The following DAAM1 variants were observed in gnomAD, a reference collection of about 807,000 sequenced individuals.
The protein encoded by DAAM1 is disheveled-associated activator of morphogenesis 1.
Under a neutral mutation model 130.0 loss-of-function variants are expected in DAAM1, and 52 were observed. The observed-to-expected ratio is 0.40, with a 90% CI of 0.32 to 0.50. DAAM1 has a LOEUF of 0.50. Among genes scored for constraint, DAAM1 ranks in the 20% least tolerant of loss-of-function variants. DAAM1 has a pLI of 0.61. For missense variants in DAAM1, 1,134 were observed against 1,303.8 expected (o/e 0.87, Z 2.01); for synonymous variants, 452 against 444.5 (o/e 1.02, Z -0.21).
At chr14:59,273,643 T>TA (rs1882824098) in intron 2 of DAAM1, among the ~76,000 whole-genome samples, 1 of 152,228 alleles carries the variant, frequency 6.6e-6, no homozygotes, top group Non-Finnish European at 1.5e-5. Context: ...ACAAAGTCGT[T>TA]ATAGTATACT....
intron 1 of DAAM1, among the ~76,000 whole-genome samples, chr14:59,251,054 C>G (rs916567430): frequency 2.0e-5 from 3 of 152,190 alleles, no homozygotes; most frequent in Non-Finnish European, 4.4e-5. Context: ...GCCCCAACAC[C>G]AGAGATTCCG....
intron 23 of DAAM1, among the ~76,000 whole-genome samples, chr14:59,365,045 A>G (rs1240339387): frequency 1.3e-5 from 2 of 152,194 alleles, no homozygotes; most frequent in Non-Finnish European, 2.9e-5. Context: ...AAGGGGCTCA[A>G]ACATTTTTGT....
At chr14:59,214,071 A>C (rs1033171883) in intron 1 of DAAM1, among the ~76,000 whole-genome samples, 2 of 152,214 alleles carry the variant, frequency 1.3e-5, no homozygotes, top group Non-Finnish European at 2.9e-5. Flanking sequence ...AGGCGTTAGC[A>C]CAAAGCTAAA....
In DAAM1 at chr14:59,331,215, G is replaced by A. The variant is rs750525026; in HGVS notation, c.1567G>A (p.Val523Ile). 4.5e-5 allele frequency: 73 copies of A among 1,612,520 alleles called. No individual in the cohort carries two copies. Among genetic ancestry groups the A allele is most frequent in the Non-Finnish European group, 5.7e-5 (67 of 1,179,888 alleles). Reference protein sequence around the residue: ...AQLHELSRRAVCASIPGGPSP... With the variant: ...AQLHELSRRAICASIPGGPSP... Reference sequence around the variant, plus strand: ...CCTATTTTTATCTTTTCAGAGGGCCGTCTGTGCTTCAATCCCAGGTGGACC... The same window carrying A: ...CCTATTTTTATCTTTTCAGAGGGCCATCTGTGCTTCAATCCCAGGTGGACC... The change falls in exon 14 of 25, where the codon GTC (valine) becomes ATC (isoleucine). Residue 523 changes from valine to isoleucine, a missense_variant. By Grantham distance (29) the Val-to-Ile change is conservative. Transcript: ENST00000360909.
Position 59,197,082 on chromosome 14 carries a change from G to A in DAAM1, c.-38+8314G>A, listed in dbSNP as rs1254690500. Among the ~76,000 whole-genome samples, 3 of 152,084 alleles carry A rather than the reference G, an allele frequency of 2.0e-5. No homozygotes were observed. The East Asian group carries it at 5.8e-4, about 30-fold the overall frequency. ...ACTACAGGCGCCTGCCACCACGCCTGGCTAGTTTTTTGTATTTTTAGTAGA... is the reference window on the plus strand; with the variant it reads ...ACTACAGGCGCCTGCCACCACGCCTAGCTAGTTTTTTGTATTTTTAGTAGA... On this transcript the variant is annotated intron_variant, in intron 1 of 24. Coordinates refer to ENST00000360909, the MANE Select transcript of DAAM1 (RefSeq NM_001270520.2).
intron 1 of DAAM1, among the ~76,000 whole-genome samples, chr14:59,189,135 C>T (rs1887646202): frequency 6.6e-6 from 1 of 152,102 alleles, no homozygotes; most frequent in Non-Finnish European, 1.5e-5. Flanking sequence ...GCTGAAGGCT[C>T]CCCGGGGCTG....
At chr14:59,367,786 TA>T (rs951853324) in intron 24 of DAAM1, among the ~76,000 whole-genome samples, 187 bp downstream of exon 24, 10 of 149,688 alleles carry the variant, frequency 6.7e-5, no homozygotes, top group South Asian at 4.2e-4. Flanking sequence ...TTCAAAGCCT[TA>T]AAAAAAAAAT....
chr14:59,298,487 G>A (rs1050998335), intron 3 of DAAM1, among the ~76,000 whole-genome samples: 3 of 152,098 alleles, frequency 2.0e-5, no homozygotes, highest in African/African-American at 7.2e-5. Flanking sequence ...AGATGCCCTC[G>A]GTTTTCTGCC....
intron 1 of DAAM1, among the ~76,000 whole-genome samples, chr14:59,210,091 A>G (rs1198631615): frequency 6.6e-6 from 1 of 152,190 alleles, no homozygotes; most frequent in Non-Finnish European, 1.5e-5. Flanking sequence ...GCAGTGAGCT[A>G]TGATACAGCC....
chr14:59,322,288 G>A (rs1885040532), intron 5 of DAAM1, among the ~76,000 whole-genome samples: 3 of 152,038 alleles, frequency 2.0e-5, no homozygotes, highest in Admixed American at 2.0e-4. Flanking sequence ...GAGACAGGAG[G>A]TTTGCTTGAG....
chr14:59,267,450 G>A (rs1594788974), intron 2 of DAAM1, among the ~76,000 whole-genome samples: 1 of 151,750 alleles, frequency 6.6e-6, no homozygotes, highest in African/African-American at 2.4e-5. Flanking sequence ...TCCTACCTCA[G>A]GATTTAGCAT....
intron 21 of DAAM1, among the ~76,000 whole-genome samples, chr14:59,359,826 G>A (rs1179402975): frequency 6.6e-6 from 1 of 152,178 alleles, no homozygotes; most frequent in African/African-American, 2.4e-5. Context: ...TCAGAACATT[G>A]CAATAATTTT....
chr14:59,311,000 A>G (rs908559816), intron 3 of DAAM1, among the ~76,000 whole-genome samples: 1 of 152,148 alleles, frequency 6.6e-6, no homozygotes, highest in African/African-American at 2.4e-5. Context: ...ACTCTGACAT[A>G]CTTATGTATT....
rs1286834491 is a variant in DAAM1, at chr14:59,323,282, G to A, written c.774+57G>A. 1.2e-5 allele frequency: 18 copies of A among 1,472,460 alleles called. No individual in the cohort carries two copies. In the East Asian group the frequency reaches 1.2e-4, roughly 10 times the overall value. The allele number at this position is 1,472,460 out of a possible 1,614,324, so 91.2% of individuals were successfully genotyped here. On this transcript the variant is annotated intron_variant, in intron 6 of 24. Coordinates refer to ENST00000360909, the MANE Select transcript of DAAM1 (RefSeq NM_001270520.2). ...CCTTCTTTAAAGTCTGCTCAAACAC[G>A]TGCTTTTCCTGTCCCTGAAAGGGGA...
chr14:59,339,101 T>G (rs1245344828), intron 15 of DAAM1, among the ~76,000 whole-genome samples: 1 of 152,200 alleles, frequency 6.6e-6, no homozygotes, highest in Non-Finnish European at 1.5e-5. Flanking sequence ...TTTTTAGAAC[T>G]TAAACAGACT....
chr14:59,300,229 A>T (rs1884114616), intron 3 of DAAM1, among the ~76,000 whole-genome samples: 1 of 152,220 alleles, frequency 6.6e-6, no homozygotes, highest in African/African-American at 2.4e-5. Context: ...ACAAATAAGT[A>T]AGTTATTAGG....
chr14:59,229,211 T>C (rs1219868206), intron 1 of DAAM1, among the ~76,000 whole-genome samples: 1 of 152,216 alleles, frequency 6.6e-6, no homozygotes, highest in Non-Finnish European at 1.5e-5. Flanking sequence ...CACTTTTCAT[T>C]GAGCGAATGA....
chr14:59,368,709 A>G lies in DAAM1; in HGVS notation c.3057A>G (p.Glu1019=), dbSNP rs770160282. The G allele has an allele frequency of 6.2e-7, 1 of 1,613,962 alleles. No individual in the cohort carries two copies. Among genetic ancestry groups the G allele is most frequent in the Non-Finnish European group, 8.5e-7 (1 of 1,179,876 alleles). Residue 1019 remains glutamate, a synonymous_variant, in exon 25 of 25, where the codon GAA becomes GAG. Coordinates refer to ENST00000360909, the MANE Select transcript of DAAM1 (RefSeq NM_001270520.2). ...KMRKAKENSE[E]SGEFDDLVSA... ...GAAAAGCTAAAGAGAATAGTGAAGAAAGCGGAGAGTTTGATGACCTTGTTT... is the reference window on the plus strand; with the variant it reads ...GAAAAGCTAAAGAGAATAGTGAAGAGAGCGGAGAGTTTGATGACCTTGTTT...
chr14:59,322,656 T>C (rs1885058106), intron 5 of DAAM1, among the ~76,000 whole-genome samples: 1 of 152,220 alleles, frequency 6.6e-6, no homozygotes. Context: ...TGGTTCTTTG[T>C]ACCCATTGAG....
Sources: gnomAD v4.1 joint callset for allele counts (sites outside exome capture counted in the v4.1 genomes callset) on GRCh38, gnomAD v4.1.1 for gene constraint, MANE v1.5 for transcripts, NCBI Gene and HGNC (gene_info 2026-07-23, HGNC 2026-07-21) for gene names.